Variants in ARHGEF33 observed in about 807,000 individuals in gnomAD.
ARHGEF33 encodes Rho guanine nucleotide exchange factor 33, also known as DH and coiled-coil domain-containing protein ENSP00000381780.
In ARHGEF33, 72 loss-of-function variants were observed where a neutral mutation model predicts 101.9. That is an observed-to-expected ratio of 0.71 (90% CI 0.58 to 0.86). ARHGEF33 has a LOEUF of 0.86. Ranked by LOEUF, ARHGEF33 falls within the 40% of genes least tolerant of loss-of-function variation. The probability of loss-of-function intolerance (pLI) is 0.00; values close to 1 mark genes in which losing one functional copy is unlikely to be tolerated. For synonymous variants in ARHGEF33, 499 were observed against 442.5 expected (o/e 1.13, Z -1.60); for missense variants, 1,169 against 1,111.3 (o/e 1.05, Z -0.74).
chr2:38,965,593 A>G (rs1317721900), intron 16 of ARHGEF33, among the ~76,000 whole-genome samples: 4 of 152,248 alleles, frequency 2.6e-5, no homozygotes, highest in African/African-American at 7.2e-5. Context: ...TTTTGTAGAA[A>G]GAGAAACACC....
At chr2:38,917,645 A>T (rs897093816) in intron 2 of ARHGEF33, among the ~76,000 whole-genome samples, 1 of 151,710 alleles carries the variant, frequency 6.6e-6, no homozygotes, top group Non-Finnish European at 1.5e-5. Flanking sequence ...CCTCAGTAAC[A>T]TAGTGAGACT....
At chr2:38,956,780 T>A (rs1667778178) in intron 13 of ARHGEF33, 119 bp from the exon 14 acceptor site, 1 of 1,251,448 alleles carries the variant, frequency 8.0e-7, no homozygotes, top group African/African-American at 1.5e-5. Flanking sequence ...TGTGTATTGT[T>A]CATTGTTTTG....
chr2:38,960,171 C>T lies in ARHGEF33; in HGVS notation c.1866C>T (p.Ile622=). 1.9e-6 allele frequency: 3 copies of T among 1,543,004 alleles called. No individual in the cohort carries two copies. The highest frequency in any genetic ancestry group is 2.6e-6 in the Non-Finnish European group (3 of 1,144,776). ...AAGAGTTCGAGTACGGCGGCGAGAT[C>T]TTCGCGCTGCCCGCGCCCTACGACG... ...AYEEFEYGGE[I]FALPAPYDEE... The change falls in exon 16 of 18, where the codon ATC becomes ATT. Residue 622 remains isoleucine, a synonymous_variant. Transcript: ENST00000409978.
chr2:38,937,551 C>T lies in ARHGEF33; in HGVS notation c.782C>T (p.Ser261Phe), dbSNP rs1667178716. The T allele has an allele frequency of 2.0e-6, 3 of 1,530,032 alleles. No individual in the cohort carries two copies. Among genetic ancestry groups the T allele is most frequent in the Non-Finnish European group, 2.7e-6 (3 of 1,128,508 alleles). The allele number at this position is 1,530,032 out of a possible 1,614,324, so 94.8% of individuals were successfully genotyped here. ...SSLENVLCET[S>F]LAAKRQTVAL... The stretch of plus-strand genomic sequence containing the variant: ...TTGGAAAACGTTTTATGTGAAACCT[C>T]CTTAGCTGGTAAGTTCCAAGGGGGA... Residue 261 changes from serine (S) to phenylalanine (F), a missense_variant, in exon 9 of 18, where the codon TCC becomes TTC. Physicochemically the swap from Ser to Phe is radical, Grantham distance 155. Transcript: ENST00000409978.
chr2:38,904,112 C>T (rs1276315344), intron 2 of ARHGEF33, among the ~76,000 whole-genome samples: 2 of 152,160 alleles, frequency 1.3e-5, no homozygotes, highest in South Asian at 2.1e-4. Context: ...TGTTTTGATT[C>T]CTATTGAGTT....
At chr2:38,959,683 C>CG in intron 15 of ARHGEF33, 158 bp from the exon 16 acceptor site, 1 of 754,612 alleles carries the variant, frequency 1.3e-6, no homozygotes, top group Non-Finnish European at 2.1e-6. Flanking sequence ...CGCCTGGGAA[C>CG]GGGGGTTCGT....
At chr2:38,930,354 CT>C (rs879653317) in intron 6 of ARHGEF33, among the ~76,000 whole-genome samples, 151 of 141,700 alleles carry the variant, frequency 1.1e-3, no homozygotes, top group Non-Finnish European at 1.2e-3. Flanking sequence ...TCTTTCTTTT[CT>C]TTTTTTTTTT....
In ARHGEF33 at chr2:38,937,354, A is replaced by G. The variant is rs752104891; in HGVS notation, c.585A>G (p.Pro195=). The change falls in exon 9 of 18, where the codon CCA becomes CCG. Residue 195 remains proline (P), a synonymous_variant. Coordinates refer to ENST00000409978, the MANE Select transcript of ARHGEF33 (RefSeq NM_001145451.5). ...MMGPGVNPTT[P]EAEENLKSCL... is the part of the protein sequence containing the mutation. The stretch of plus-strand genomic sequence containing the variant: ...CACCAGGAGTGAACCCAACAACTCC[A>G]GAAGCAGAAGAAAACCTCAAGTCTT... 32 of 1,196,750 alleles carry G rather than the reference A, an allele frequency of 2.7e-5. No homozygotes were observed. The East Asian group carries it at 1.4e-3, about 52-fold the overall frequency. 74.1% of individuals were successfully genotyped at this position (1,196,750 alleles called of 1,614,324 possible). A position where few individuals can be genotyped will look rare whatever the true frequency, so the allele number is the denominator to read the frequency against.
rs564628392 is a variant in ARHGEF33, at chr2:38,896,263, C to T, written c.-86+414C>T. ...AAGCAATCCTCCTGCCTCAGCCTCC[C>T]GAGTAGCTGGGATTACAGGCTCACG... On this transcript the variant is annotated intron_variant, in intron 2 of 17. Coordinates refer to ENST00000409978, the MANE Select transcript of ARHGEF33 (RefSeq NM_001145451.5). Among the ~76,000 whole-genome samples the T allele has an allele frequency of 5.3e-5, 8 of 152,222 alleles. No homozygotes were observed. In the East Asian group the frequency reaches 5.8e-4, roughly 11 times the overall value.
At chr2:38,919,613 A>G in intron 3 of ARHGEF33, 141 bp downstream of exon 3, 5 of 927,354 alleles carry the variant, frequency 5.4e-6, no homozygotes, top group Non-Finnish European at 8.3e-6. Context: ...TATGAAGAAT[A>G]TAGACTGGGT....
chr2:38,912,738 A>C (rs1371740987), intron 2 of ARHGEF33, among the ~76,000 whole-genome samples: 2 of 152,202 alleles, frequency 1.3e-5, no homozygotes, highest in African/African-American at 2.4e-5. Flanking sequence ...AGGAGTAATA[A>C]ATGAAAGAAC....
At chr2:38,899,699 T>C (rs546653978) in intron 2 of ARHGEF33, among the ~76,000 whole-genome samples, 1 of 152,280 alleles carries the variant, frequency 6.6e-6, no homozygotes, top group Admixed American at 6.5e-5. Context: ...GGGAATAAAG[T>C]TGAAATGTTC....
At position 38,889,949 on chromosome 2, in the gene ARHGEF33, T is replaced by C. The variant is rs1665959069; in HGVS notation, c.-196T>C. On this transcript the variant is annotated 5_prime_UTR_variant, in exon 1 of 18. Coordinates refer to ENST00000409978, the MANE Select transcript of ARHGEF33 (RefSeq NM_001145451.5). ...GTTAATTCAGAACCCAGATAAGCCT[T>C]GATCTGAGGATGATATAACCACCGC... 2.1e-6 allele frequency: 1 copy of C among 470,752 alleles called. No homozygotes were observed. The allele number at this position is 470,752 out of a possible 1,614,324, so 29.2% of individuals were successfully genotyped here.
chr2:38,928,879 T>C (rs1286363730), intron 4 of ARHGEF33, 28 bp from the exon 5 acceptor site: 2 of 1,526,526 alleles, frequency 1.3e-6, no homozygotes, highest in African/African-American at 2.8e-5. Flanking sequence ...TTCCAGCAAA[T>C]TGAATTAACT....
At chr2:38,943,719 C>G (rs1667369743) in intron 9 of ARHGEF33, among the ~76,000 whole-genome samples, 182 bp from the exon 10 acceptor site, 1 of 152,240 alleles carries the variant, frequency 6.6e-6, no homozygotes, top group Admixed American at 6.5e-5. Flanking sequence ...ACCAAGACTT[C>G]GTGCCCTTTG....
At chr2:38,963,305 C>G (rs1433101824) in intron 16 of ARHGEF33, among the ~76,000 whole-genome samples, 5 of 152,124 alleles carry the variant, frequency 3.3e-5, no homozygotes, top group Non-Finnish European at 1.5e-5. Context: ...CCTTTAAATA[C>G]TCTGTATATC....
chr2:38,894,899 C>G (rs1027694282), intron 1 of ARHGEF33, among the ~76,000 whole-genome samples: 2 of 151,732 alleles, frequency 1.3e-5, no homozygotes, highest in African/African-American at 4.8e-5. Context: ...TACATGGCCT[C>G]TTATATTCCT....
rs1572753654 is a variant in ARHGEF33 at position 38,929,674 on chromosome 2, TA to T, written c.241-34del. The T allele has an allele frequency of 2.6e-6, 4 of 1,539,482 alleles. No individual in the cohort carries two copies. In the East Asian group the frequency reaches 7.4e-5, roughly 28 times the overall value. On this transcript the variant is annotated intron_variant, in intron 5 of 17. Transcript: ENST00000409978. ...TTATGTTATATACTTTTACCCCATG[TA>T]CCACGTTAAAACATAGCAATTCTTA...
Position 38,937,343 on chromosome 2 carries a change from C to A in ARHGEF33, c.574C>A (p.Pro192Thr). 2.1e-6 allele frequency: 2 copies of A among 952,802 alleles called. No individual in the cohort carries two copies. The highest frequency in any genetic ancestry group is 3.0e-6 in the Non-Finnish European group (2 of 669,032). The allele number at this position is 952,802 out of a possible 1,614,324, so 59.0% of individuals were successfully genotyped here. ...TCCCCCCACCCCACCAGGAGTGAAC[C>A]CAACAACTCCAGAAGCAGAAGAAAA... ...VKGMMGPGVN[P>T]TTPEAEENLK... The change falls in exon 9 of 18, where the codon CCA (proline) becomes ACA (threonine). Residue 192 changes from proline to threonine, a missense_variant. Pro to Thr is a conservative substitution (Grantham distance 38). Coordinates refer to ENST00000409978, the MANE Select transcript of ARHGEF33 (RefSeq NM_001145451.5).
Sources: gnomAD v4.1 joint callset for allele counts (sites outside exome capture counted in the v4.1 genomes callset) on GRCh38, gnomAD v4.1.1 for gene constraint, MANE v1.5 for transcripts, NCBI Gene and HGNC (gene_info 2026-07-23, HGNC 2026-07-21) for gene names.